TBL1X: variants seen among roughly 807,000 people sequenced by gnomAD.
TBL1X encodes F-box-like/WD repeat-containing protein TBL1X.
Under a neutral mutation model 50.7 loss-of-function variants are expected in TBL1X, and 10 were observed. That is an observed-to-expected ratio of 0.20 (90% confidence interval 0.12 to 0.33). The LOEUF is 0.33. TBL1X is among the 10% of genes least tolerant of loss of function. The probability of loss-of-function intolerance (pLI) is 1.00; values close to 1 mark genes in which losing one functional copy is unlikely to be tolerated. For synonymous variants in TBL1X, 190 were observed against 214.7 expected, an observed-to-expected ratio of 0.88 and a Z score of 1.01; for missense variants, 340 against 504.4, an observed-to-expected ratio of 0.67 and a Z score of 3.12.
chrX:9,505,477 G>T (rs1486853270), intron 2 of TBL1X, among the ~76,000 whole-genome samples: 4 of 111,926 alleles, frequency 3.6e-5, no homozygotes, highest in African/African-American at 1.3e-4. Context: ...TGGGCTAAAT[G>T]CCCCAATTAA....
At chrX:9,686,272 T>C (rs983629025) in intron 6 of TBL1X, among the ~76,000 whole-genome samples, 1 of 111,903 alleles carries the variant, frequency 8.9e-6, no homozygotes, top group African/African-American at 3.3e-5. Flanking sequence ...GACTCTGTTT[T>C]TCTCTGCTCA....
intron 2 of TBL1X, among the ~76,000 whole-genome samples, chrX:9,627,706 C>G (rs1485847525): frequency 1.8e-5 from 2 of 112,216 alleles, no homozygotes; most frequent in African/African-American, 3.2e-5. Flanking sequence ...AGTTACTACT[C>G]CCTTCAATAT....
intron 5 of TBL1X, among the ~76,000 whole-genome samples, chrX:9,657,729 A>G (rs967700881): frequency 1.8e-5 from 2 of 112,509 alleles, no homozygotes; most frequent in African/African-American, 3.2e-5. Context: ...GAAGCACTCA[A>G]TAGCTGTTAC....
chrX:9,488,424 A>T (rs2081924669), intron 1 of TBL1X, among the ~76,000 whole-genome samples: 1 of 111,460 alleles, frequency 9.0e-6, no homozygotes, highest in Non-Finnish European at 1.9e-5. Flanking sequence ...GGAGCAGCGT[A>T]GCACCTCTCT....
chrX:9,648,889 G>C (rs1285338908), intron 3 of TBL1X, among the ~76,000 whole-genome samples: 2 of 112,508 alleles, frequency 1.8e-5, no homozygotes, highest in African/African-American at 6.5e-5. Context: ...AAAAAGAGGA[G>C]GAGGAGGAAT....
At position 9,476,691 on chromosome X, in the gene TBL1X, A is replaced by G. The variant is rs773301697; in HGVS notation, c.-201+11244A>G. On this transcript the variant is annotated intron_variant, in intron 1 of 17. Transcript: ENST00000645353. The stretch of plus-strand genomic sequence containing the variant: ...CCTGGGACGTGGAATCTGTGAGTAC[A>G]CTAACCTTGAAAGAGATTATGAAAA... Among the ~76,000 whole-genome samples, 5 of 112,178 alleles carry G rather than the reference A, an allele frequency of 4.5e-5. No homozygotes were observed. In the East Asian group the frequency reaches 1.4e-3, roughly 31 times the overall value.
chrX:9,530,064 A>G (rs2082152459), intron 2 of TBL1X, among the ~76,000 whole-genome samples: 1 of 111,999 alleles, frequency 8.9e-6, no homozygotes, highest in Non-Finnish European at 1.9e-5. Flanking sequence ...TACCTGATGA[A>G]TGTGGGGAAA....
chrX:9,688,047 G>A lies in TBL1X; in HGVS notation c.388G>A (p.Glu130Lys). Residue 130 changes from glutamate to lysine, a missense_variant, in exon 7 of 18, where the codon GAG (glutamate) becomes AAG (lysine). Glu to Lys is a moderately conservative substitution (Grantham distance 56, BLOSUM62 1). This residue lies in a region of TBL1X where 24 missense variants were observed against 44.1 expected (regional missense o/e 0.54). Coordinates refer to ENST00000645353, the MANE Select transcript of TBL1X (RefSeq NM_005647.4). Reference sequence around the variant, plus strand: ...CACAGTGTTCGACGGCCGCCCCATAGAGTCCCTGTCACTGATAGACGCCGT... The same window carrying A: ...CACAGTGTTCGACGGCCGCCCCATAAAGTCCCTGTCACTGATAGACGCCGT... ...DGTVFDGRPIESLSLIDAVMP... is the reference protein window; with the variant it reads ...DGTVFDGRPIKSLSLIDAVMP... 8.3e-7 allele frequency: 1 copy of A among 1,210,245 alleles called. No homozygotes were observed. Among genetic ancestry groups the A allele is most frequent in the Non-Finnish European group, 1.1e-6 (1 of 894,603 alleles).
At chrX:9,632,075 T>C (rs1159384825) in intron 2 of TBL1X, among the ~76,000 whole-genome samples, 2 of 112,383 alleles carry the variant, frequency 1.8e-5, no homozygotes, top group African/African-American at 3.2e-5. Flanking sequence ...TTACTATCAT[T>C]TTTCCCCTGG....
In TBL1X at chrX:9,535,312, G is replaced by T. The variant is rs992400949; in HGVS notation, c.-131+33463G>T. Among the ~76,000 whole-genome samples, 3 of 112,522 alleles carry T rather than the reference G, an allele frequency of 2.7e-5. No homozygotes were observed. In the Admixed American group the frequency reaches 2.8e-4, roughly 11 times the overall value. On this transcript the variant is annotated intron_variant, in intron 2 of 17. Transcript: ENST00000645353. ...TCCCCTGTAAGGAAACGAAATCATC[G>T]TGCACAGATGTGGTTCTGTTTATAG...
At chrX:9,608,139 A>G (rs1044251360) in intron 2 of TBL1X, among the ~76,000 whole-genome samples, 1 of 110,478 alleles carries the variant, frequency 9.1e-6, no homozygotes, top group African/African-American at 3.3e-5. Context: ...AGTGGTTTTC[A>G]CATGATTGGA....
At position 9,693,088 on chromosome X, in the gene TBL1X, T is replaced by A; in HGVS notation, c.892-61T>A. On this transcript the variant is annotated intron_variant, in intron 9 of 17. Transcript: ENST00000645353. ...GGATCCTCGGAGAGGCTCTCCGAGC[T>A]GCTTCGGTGCTGCCGCTCCTAAGTT... 3 of 1,163,761 alleles carry A rather than the reference T, an allele frequency of 2.6e-6. No individual in the cohort carries two copies. The South Asian group carries it at 5.4e-5, about 21-fold the overall frequency.
chrX:9,595,102 G>C (rs747285169), intron 2 of TBL1X, among the ~76,000 whole-genome samples: 283 of 112,147 alleles, frequency 2.5e-3, no homozygotes, highest in African/African-American at 9.1e-3. Context: ...CCTCTGCAGA[G>C]CCAGCGCCAC....
chrX:9,630,197 C>T (rs1249786726), intron 2 of TBL1X, among the ~76,000 whole-genome samples: 2 of 111,686 alleles, frequency 1.8e-5, no homozygotes, highest in Admixed American at 9.5e-5. Flanking sequence ...GTGTTAAGTT[C>T]GCTTATTAAT....
intron 2 of TBL1X, among the ~76,000 whole-genome samples, chrX:9,631,834 C>G (rs1458066989): frequency 1.8e-5 from 2 of 112,816 alleles, no homozygotes; most frequent in Non-Finnish European, 3.7e-5. Flanking sequence ...CATTTTCCAT[C>G]CGAAGTTTTT....
intron 16 of TBL1X, among the ~76,000 whole-genome samples, chrX:9,713,188 G>A (rs763212300): frequency 4.5e-5 from 5 of 111,078 alleles, no homozygotes; most frequent in East Asian, 5.7e-4. Flanking sequence ...GAGCCAACCC[G>A]ACGCCAAGCC....
Position 9,470,589 on chromosome X carries a change from C to A in TBL1X, c.-201+5142C>A, listed in dbSNP as rs191281503. Among the ~76,000 whole-genome samples the A allele has an allele frequency of 1.5e-3, 167 of 112,384 alleles. 1 individual carries two copies. Among genetic ancestry groups the A allele is most frequent in the African/African-American group, 5.2e-3 (162 of 31,003 alleles). On this transcript the variant is annotated intron_variant, in intron 1 of 17. Transcript: ENST00000645353. ...CCTCTTTGTTCTATGCCAGTTAGTT[C>A]TTGATGCCTCATTGTTTCAGATGGG...
intron 2 of TBL1X, among the ~76,000 whole-genome samples, chrX:9,559,704 G>T (rs1288142154): frequency 8.9e-6 from 1 of 111,782 alleles, no homozygotes; most frequent in Non-Finnish European, 1.9e-5. Flanking sequence ...CTCCATTACT[G>T]TTGGGGAACA....
intron 13 of TBL1X, among the ~76,000 whole-genome samples, chrX:9,705,723 TAAAAAAAA>T (rs34666783): frequency 3.8e-5 from 3 of 78,246 alleles, no homozygotes; most frequent in African/African-American, 9.7e-5. Context: ...CTTGTCTCTT[TAAAAAAAA>T]AAAAAAAAAA....
Sources: gnomAD v4.1 joint callset for allele counts (sites outside exome capture counted in the v4.1 genomes callset) on GRCh38, gnomAD v4.1.1 for gene constraint, gnomAD v4.1.1 regional missense constraint, MANE v1.5 for transcripts, NCBI Gene and HGNC (gene_info 2026-07-23, HGNC 2026-07-21) for gene names.